Variants in TBC1D14 observed in about 807,000 individuals in gnomAD.
TBC1D14 encodes the protein TBC1 domain family, member 14.
Under a neutral mutation model 79.0 loss-of-function variants are expected in TBC1D14, and 26 were observed. That is an observed-to-expected ratio of 0.33 (90% CI 0.24 to 0.46). The LOEUF (loss-of-function observed/expected upper bound fraction) is 0.46. Ranked by LOEUF, TBC1D14 falls within the 20% of genes least tolerant of loss-of-function variation. TBC1D14 has a pLI of 1.00. For synonymous variants in TBC1D14, 394 were observed against 349.9 expected, an observed-to-expected ratio of 1.13 and a Z score of -1.40; for missense variants, 769 against 887.6, an observed-to-expected ratio of 0.87 and a Z score of 1.70.
intron 2 of TBC1D14, among the ~76,000 whole-genome samples, chr4:6,936,777 T>C (rs1712373962): frequency 6.6e-6 from 1 of 152,232 alleles, no homozygotes; most frequent in Non-Finnish European, 1.5e-5. Context: ...TTCCACATCC[T>C]CCCCAGCGTT....
At chr4:6,932,120 G>GT (rs1297425900) in intron 2 of TBC1D14, among the ~76,000 whole-genome samples, 24 of 152,108 alleles carry the variant, frequency 1.6e-4, no homozygotes, top group African/African-American at 5.8e-4. Flanking sequence ...AGCACTTCGG[G>GT]AGACCAAGGT....
rs138933879 is a variant in TBC1D14, at chr4:6,913,338, T to C, written c.-18+3387T>C. 1.9e-3 allele frequency among the ~76,000 whole-genome samples: 292 copies of C among 152,280 alleles called. 2 individuals carry two copies. The highest frequency in any genetic ancestry group is 0.01 in the Middle Eastern group (3 of 294). On this transcript the variant is annotated intron_variant, in intron 1 of 13. Transcript: ENST00000409757. ...TCATTTGCAGCCTAACAAACATACA[T>C]AGAAGTGTAAGAATGGTTAAGTGTT...
At chr4:6,987,222 C>T in intron 3 of TBC1D14, 1 of 1,245,104 alleles carries the variant, frequency 8.0e-7, no homozygotes, top group Non-Finnish European at 1.0e-6. Context: ...CCGCCCCGCC[C>T]CGCGAGTCTG....
chr4:6,993,770 G>T (rs1207709960), intron 3 of TBC1D14, among the ~76,000 whole-genome samples: 1 of 152,228 alleles, frequency 6.6e-6, no homozygotes, highest in East Asian at 1.9e-4. Context: ...AGCACTTTGG[G>T]AGGCTGAAGC....
intron 2 of TBC1D14, among the ~76,000 whole-genome samples, chr4:6,934,496 TA>T (rs1243023249): frequency 3.3e-5 from 5 of 151,954 alleles, no homozygotes; most frequent in African/African-American, 1.2e-4. Context: ...CCATCACTAC[TA>T]AAAATACAAA....
chr4:6,987,101 T>TCGCCGCTCATCAGCCCCGCCCCA, intron 3 of TBC1D14: 1 of 512,550 alleles, frequency 2.0e-6, no homozygotes, highest in Non-Finnish European at 2.4e-6. Flanking sequence ...TGCCCGCCCC[T>TCGCCGCTCATCAGCCCCGCCCCA]CGCCGCTCAT....
chr4:6,936,704 A>T (rs1560259854), intron 2 of TBC1D14, among the ~76,000 whole-genome samples: 1 of 152,236 alleles, frequency 6.6e-6, no homozygotes, highest in Non-Finnish European at 1.5e-5. Flanking sequence ...GAAACCAGCA[A>T]ACTGTCTTCC....
At chr4:6,923,077 T>C (rs1723995196) in intron 1 of TBC1D14, among the ~76,000 whole-genome samples, 1 of 152,196 alleles carries the variant, frequency 6.6e-6, no homozygotes, top group Non-Finnish European at 1.5e-5. Flanking sequence ...AGCGCATGCC[T>C]GTAATCCCAG....
chr4:6,996,471 T>C, intron 5 of TBC1D14, 64 bp downstream of exon 5: 7 of 1,307,452 alleles, frequency 5.4e-6, no homozygotes, highest in Non-Finnish European at 6.5e-6. Flanking sequence ...TTCTGGTTAT[T>C]TTCTTTTTAC....
chr4:7,009,737 G>A, intron 9 of TBC1D14, 140 bp from the exon 10 acceptor site: 1 of 843,956 alleles, frequency 1.2e-6, no homozygotes, highest in Non-Finnish European at 2.0e-6. Flanking sequence ...TGCATATAGA[G>A]CTGCTGGCAT....
intron 2 of TBC1D14, among the ~76,000 whole-genome samples, chr4:6,931,937 A>G (rs978047767): frequency 1.3e-5 from 2 of 151,948 alleles, no homozygotes; most frequent in Admixed American, 1.3e-4. Context: ...ATGTGTTGGC[A>G]GACTTAAGAG....
chr4:7,026,654 T>C (rs1196803506), intron 13 of TBC1D14, among the ~76,000 whole-genome samples: 1 of 152,152 alleles, frequency 6.6e-6, no homozygotes, highest in African/African-American at 2.4e-5. Context: ...CCCAGCACTT[T>C]GGGAGGCCAA....
intron 2 of TBC1D14, among the ~76,000 whole-genome samples, chr4:6,950,028 G>A (rs1386998636): frequency 1.3e-5 from 2 of 152,082 alleles, no homozygotes; most frequent in Non-Finnish European, 2.9e-5. Context: ...AGCCCCACAT[G>A]CATTAGGCAT....
At chr4:6,920,585 C>G (rs1430482845) in intron 1 of TBC1D14, among the ~76,000 whole-genome samples, 1 of 151,264 alleles carries the variant, frequency 6.6e-6, no homozygotes, top group African/African-American at 2.4e-5. Flanking sequence ...TGCTTGAAAA[C>G]CTTCAGCTCC....
At chr4:6,940,263 A>T (rs1712777361) in intron 2 of TBC1D14, among the ~76,000 whole-genome samples, 2 of 152,332 alleles carry the variant, frequency 1.3e-5, no homozygotes, top group Admixed American at 1.3e-4. Context: ...AGATTAGTAC[A>T]TTTCCACCAT....
At position 6,923,821 on chromosome 4, in the gene TBC1D14, C is replaced by T; in HGVS notation, c.432C>T (p.Thr144=). Residue 144 remains threonine, a synonymous_variant, in exon 2 of 14, where the codon ACC becomes ACT. Transcript: ENST00000409757. ...GYDSVKLYSP[T]SKALTRSDDV... ...ACTCGGTAAAGCTCTATAGCCCGAC[C>T]TCCAAAGCCCTGACCCGCAGCGATG... 2.5e-6 allele frequency: 4 copies of T among 1,614,200 alleles called. No individual in the cohort carries two copies. In the South Asian group the frequency reaches 4.4e-5, roughly 18 times the overall value.
chr4:6,959,330 CTTTT>C (rs1298719339), intron 2 of TBC1D14, among the ~76,000 whole-genome samples: 1 of 152,130 alleles, frequency 6.6e-6, no homozygotes, highest in Non-Finnish European at 1.5e-5. Context: ...TCCTGGCTTT[CTTTT>C]TATCATATTT....
At chr4:6,987,334 G>A (rs1373369639) in intron 3 of TBC1D14, 2 of 1,419,566 alleles carry the variant, frequency 1.4e-6, no homozygotes, top group Admixed American at 2.5e-5. Context: ...GCGCCTCTAA[G>A]GCCCCGGCGT....
At position 7,021,045 on chromosome 4, in the gene TBC1D14, C is replaced by T. The variant is rs116618782; in HGVS notation, c.1758-3959C>T. ...GACAGGGCAGAGGCCAGTTCTGTTCCGTGGATGCCGTCTTCCTCCTTCACG... is the reference window on the plus strand; with the variant it reads ...GACAGGGCAGAGGCCAGTTCTGTTCTGTGGATGCCGTCTTCCTCCTTCACG... On this transcript the variant is annotated intron_variant, in intron 12 of 13. Coordinates refer to ENST00000409757, the MANE Select transcript of TBC1D14 (RefSeq NM_020773.3). 1.9e-3 allele frequency among the ~76,000 whole-genome samples: 291 copies of T among 152,352 alleles called. 1 individual carries two copies. The highest frequency in any genetic ancestry group is 5.3e-3 in the Admixed American group (81 of 15,302).
Sources: gnomAD v4.1 joint callset for allele counts (sites outside exome capture counted in the v4.1 genomes callset) on GRCh38, gnomAD v4.1.1 for gene constraint, MANE v1.5 for transcripts, NCBI Gene and HGNC (gene_info 2026-07-23, HGNC 2026-07-21) for gene names.